DNMBP: variants seen among roughly 807,000 people sequenced by gnomAD.
The protein encoded by DNMBP is dynamin-binding protein.
A neutral mutation model predicts 150.0 loss-of-function variants in DNMBP; 87 were observed. That is an observed-to-expected ratio of 0.58 (90% CI 0.49 to 0.69). The LOEUF (loss-of-function observed/expected upper bound fraction) is 0.69. DNMBP is among the 30% of genes least tolerant of loss of function. The probability of loss-of-function intolerance (pLI) is 0.00; values close to 1 mark genes in which losing one functional copy is unlikely to be tolerated. For synonymous variants in DNMBP, 711 were observed against 750.4 expected (o/e 0.95, Z 0.86); for missense variants, 1,774 against 1,949.0 (o/e 0.91, Z 1.69).
intron 4 of DNMBP, among the ~76,000 whole-genome samples, chr10:99,933,511 G>C (rs2040184517): frequency 7.3e-6 from 1 of 136,280 alleles, no homozygotes; most frequent in Non-Finnish European, 1.6e-5. Context: ...TATTATATGG[G>C]TTCAGGGGGA....
intron 1 of DNMBP, 113 bp downstream of exon 1, chr10:100,009,715 TAGCCGCGCGG>T (rs1482312592): frequency 6.6e-6 from 1 of 151,158 alleles, no homozygotes; most frequent in African/African-American, 2.4e-5. Flanking sequence ...GATACAGGCC[TAGCCGCGCGG>T]CGCGGCGCGG....
At chr10:99,914,419 A>C (rs1430655619) in intron 4 of DNMBP, among the ~76,000 whole-genome samples, 1 of 152,194 alleles carries the variant, frequency 6.6e-6, no homozygotes, top group Non-Finnish European at 1.5e-5. Context: ...GATGAGAGGC[A>C]AAACTGTGAA....
chr10:99,965,229 T>A (rs1430943605), intron 3 of DNMBP, among the ~76,000 whole-genome samples: 12 of 152,170 alleles, frequency 7.9e-5, no homozygotes, highest in Non-Finnish European at 1.6e-4. Flanking sequence ...CCTCATTTTG[T>A]AGATAAGAAA....
chr10:99,888,740 G>T, intron 12 of DNMBP, 85 bp downstream of exon 12: 2 of 1,525,228 alleles, frequency 1.3e-6, no homozygotes, highest in Non-Finnish European at 1.8e-6. Flanking sequence ...CCCAGGGCCT[G>T]TGTCCGTGGA....
At chr10:99,990,782 TAC>T (rs201123930) in intron 1 of DNMBP, among the ~76,000 whole-genome samples, 7,322 of 70,456 alleles carry the variant, frequency 0.1, 236 homozygotes, top group African/African-American at 0.2. Context: ...TACACATATA[TAC>T]ACACATATAT....
intron 1 of DNMBP, among the ~76,000 whole-genome samples, chr10:100,000,015 G>T (rs769285105): frequency 6.6e-6 from 1 of 152,280 alleles, no homozygotes; most frequent in Non-Finnish European, 1.5e-5. Context: ...CCATTATGGT[G>T]TATTTGTGGC....
chr10:99,917,968 CAAAAAAA>C (rs749252887), intron 4 of DNMBP, among the ~76,000 whole-genome samples: 8 of 52,262 alleles, frequency 1.5e-4, no homozygotes, highest in Admixed American at 6.9e-4. Flanking sequence ...GACTCTGTCT[CAAAAAAA>C]AAAAAAAAAA....
At chr10:99,904,713 T>C (rs2039799400) in intron 6 of DNMBP, among the ~76,000 whole-genome samples, 1 of 152,200 alleles carries the variant, frequency 6.6e-6, no homozygotes, top group African/African-American at 2.4e-5. Context: ...TCTGTGTGTC[T>C]TCAACACATC....
intron 6 of DNMBP, among the ~76,000 whole-genome samples, chr10:99,904,907 T>G (rs1413610393): frequency 6.6e-6 from 1 of 152,204 alleles, no homozygotes; most frequent in East Asian, 1.9e-4. Flanking sequence ...CATTTCTGAT[T>G]TGAATCAGAC....
At chr10:99,933,746 T>G (rs12265049) in intron 4 of DNMBP, among the ~76,000 whole-genome samples, 8,453 of 150,268 alleles carry the variant, frequency 0.056, 308 homozygotes, top group African/African-American at 0.1. Context: ...TGTTTTTTTG[T>G]TTTTTTTTGA....
intron 3 of DNMBP, among the ~76,000 whole-genome samples, chr10:99,967,846 T>G (rs2133349460): frequency 6.6e-6 from 1 of 152,322 alleles, no homozygotes; most frequent in Middle Eastern, 3.4e-3. Context: ...CAGAAGCTTC[T>G]GTCTTTTAGA....
At chr10:99,935,592 T>G (rs1387959652) in intron 4 of DNMBP, among the ~76,000 whole-genome samples, 1 of 152,014 alleles carries the variant, frequency 6.6e-6, no homozygotes, top group Non-Finnish European at 1.5e-5. Context: ...GAGATGGAGT[T>G]TTGCTCTCGT....
rs544897563 is a variant in DNMBP, at chr10:99,890,102, C to T, written c.3157-1149G>A. 1.4e-4 allele frequency among the ~76,000 whole-genome samples: 22 copies of T among 152,222 alleles called. No individual in the cohort carries two copies. The South Asian group carries it at 4.6e-3, about 32-fold the overall frequency. ...GACCTTTTGTCTTTAATATTTATAT[C>T]TGTATATATAAAGCCAGGGCTTCGT... On this transcript the variant is annotated intron_variant, in intron 11 of 16. Coordinates refer to ENST00000324109, the MANE Select transcript of DNMBP (RefSeq NM_015221.4).
intron 1 of DNMBP, among the ~76,000 whole-genome samples, chr10:99,983,301 T>C (rs2040797675): frequency 6.6e-6 from 1 of 152,194 alleles, no homozygotes; most frequent in Non-Finnish European, 1.5e-5. Flanking sequence ...CTCTTGTCCT[T>C]GACAATACAA....
At chr10:99,877,843 G>A (rs2039300589) in intron 16 of DNMBP, among the ~76,000 whole-genome samples, 1 of 152,178 alleles carries the variant, frequency 6.6e-6, no homozygotes, top group Admixed American at 6.5e-5. Context: ...CAGACCCTGG[G>A]CGACAGAGTG....
At chr10:99,992,879 C>G (rs949983765) in intron 1 of DNMBP, among the ~76,000 whole-genome samples, 1 of 151,800 alleles carries the variant, frequency 6.6e-6, no homozygotes, top group Non-Finnish European at 1.5e-5. Context: ...CTGGTCTCTA[C>G]AAAAAATACA....
At chr10:99,979,493 C>T (rs956837997) in intron 1 of DNMBP, among the ~76,000 whole-genome samples, 1 of 152,104 alleles carries the variant, frequency 6.6e-6, no homozygotes, top group South Asian at 2.1e-4. Flanking sequence ...ATGATGTGTC[C>T]AGGAACCTTC....
intron 4 of DNMBP, chr10:99,928,335 G>A (rs2040105634): frequency 6.6e-6 from 1 of 152,164 alleles, no homozygotes; most frequent in South Asian, 2.1e-4. Context: ...CATTCTGAAG[G>A]AGACCTAGAC....
chr10:99,994,278 T>G (rs2040928488), intron 1 of DNMBP, among the ~76,000 whole-genome samples: 1 of 152,202 alleles, frequency 6.6e-6, no homozygotes, highest in Non-Finnish European at 1.5e-5. Context: ...GTAATTTATT[T>G]CATAGGGCGT....
Sources: gnomAD v4.1 joint callset for allele counts (sites outside exome capture counted in the v4.1 genomes callset) on GRCh38, gnomAD v4.1.1 for gene constraint, MANE v1.5 for transcripts, NCBI Gene and HGNC (gene_info 2026-07-23, HGNC 2026-07-21) for gene names.